Variants in GRIK2 observed in about 807,000 individuals in gnomAD.
GRIK2 encodes the protein glutamate ionotropic receptor kainate type subunit 2, also known as glutamate receptor ionotropic, kainate 2.
Under a neutral mutation model 100.3 loss-of-function variants are expected in GRIK2, and 32 were observed. The observed-to-expected ratio is 0.32, with a 90% CI of 0.24 to 0.43. GRIK2 has a LOEUF of 0.43. Among genes scored for constraint, GRIK2 ranks in the 20% least tolerant of loss-of-function variants. The pLI, the probability that GRIK2 is intolerant of heterozygous loss-of-function variation, is 1.00. For synonymous variants in GRIK2, 417 were observed against 389.4 expected, an observed-to-expected ratio of 1.07 and a Z score of -0.83; for missense variants, 843 against 1,114.9, an observed-to-expected ratio of 0.76 and a Z score of 3.47.
intron 7 of GRIK2, among the ~76,000 whole-genome samples, chr6:101,716,658 G>T (rs1774090289): frequency 2.0e-5 from 3 of 150,662 alleles, no homozygotes; most frequent in African/African-American, 7.3e-5. Context: ...TAAATGACCA[G>T]TTAATGGGTG....
intron 11 of GRIK2, among the ~76,000 whole-genome samples, chr6:101,863,108 C>T (rs1348646362): frequency 1.3e-5 from 2 of 152,034 alleles, no homozygotes; most frequent in East Asian, 1.9e-4. Flanking sequence ...AGTTTTTCAC[C>T]GCCCATGTAG....
chr6:101,955,611 TC>T (rs1791879176), intron 14 of GRIK2, among the ~76,000 whole-genome samples: 5 of 115,506 alleles, frequency 4.3e-5, no homozygotes, highest in African/African-American at 1.1e-4. Flanking sequence ...TCTCTCTCTC[TC>T]TCTCCCCCCC....
At position 101,845,002 on chromosome 6, in the gene GRIK2, T is replaced by TTTGTTGTTG. The variant is rs141350986; in HGVS notation, c.1318-14265_1318-14257dup. Among the ~76,000 whole-genome samples the TTTGTTGTTG allele has an allele frequency of 9.3e-5, 14 of 150,996 alleles. No homozygotes were observed. The South Asian group carries it at 1.5e-3, about 16-fold the overall frequency. On this transcript the variant is annotated intron_variant, in intron 10 of 16. Transcript: ENST00000369134. ...TCATTTATTCTGCGTTCATTGTTTG[T>TTTGTTGTTG]TTGTTGTTGTTGTTGTTGTTGTTGT...
At chr6:102,041,238 C>T (rs1047094153) in intron 15 of GRIK2, among the ~76,000 whole-genome samples, 2 of 151,604 alleles carry the variant, frequency 1.3e-5, no homozygotes, top group African/African-American at 4.8e-5. Flanking sequence ...CCAAATGGTA[C>T]CCAAACAATG....
At chr6:101,923,243 GA>G (rs900240307) in intron 12 of GRIK2, among the ~76,000 whole-genome samples, 1 of 152,106 alleles carries the variant, frequency 6.6e-6, no homozygotes, top group African/African-American at 2.4e-5. Flanking sequence ...TTGGATGTAA[GA>G]TTTTTTTTAA....
Position 101,835,201 on chromosome 6 carries a change from T to C in GRIK2, c.1317+16718T>C, listed in dbSNP as rs1782989360. 2.0e-5 allele frequency among the ~76,000 whole-genome samples: 3 copies of C among 152,232 alleles called. No homozygotes were observed. The South Asian group carries it at 6.2e-4, about 31-fold the overall frequency. On this transcript the variant is annotated intron_variant, in intron 10 of 16. Coordinates refer to ENST00000369134, the MANE Select transcript of GRIK2 (RefSeq NM_021956.5). ...CATTTCCTCTTGAAAGCAATTTTGATATTTTTTTCATTGGTTTAACTTTGG... is the reference window on the plus strand; with the variant it reads ...CATTTCCTCTTGAAAGCAATTTTGACATTTTTTTCATTGGTTTAACTTTGG...
chr6:101,542,124 A>T (rs1046863076), intron 2 of GRIK2, among the ~76,000 whole-genome samples: 1 of 152,018 alleles, frequency 6.6e-6, no homozygotes, highest in African/African-American at 2.4e-5. Context: ...GTTTCTAGGG[A>T]AACTGTAATA....
chr6:101,471,605 AT>A (rs952840804), intron 2 of GRIK2, among the ~76,000 whole-genome samples: 20 of 152,098 alleles, frequency 1.3e-4, no homozygotes, highest in Admixed American at 1.3e-3. Context: ...AGATGCTTTG[AT>A]TTCTGTTACA....
chr6:101,411,469 T>C (rs1775879756), intron 2 of GRIK2, among the ~76,000 whole-genome samples: 1 of 152,128 alleles, frequency 6.6e-6, no homozygotes. Flanking sequence ...CATAGTTCTA[T>C]GTGGTGGTTC....
intron 2 of GRIK2, among the ~76,000 whole-genome samples, chr6:101,610,140 A>G (rs979850085): frequency 5.9e-5 from 9 of 151,674 alleles, no homozygotes; most frequent in African/African-American, 2.2e-4. Flanking sequence ...TATATATAAT[A>G]GTAAATATTC....
At chr6:101,883,727 G>A (rs1340183550) in intron 11 of GRIK2, among the ~76,000 whole-genome samples, 2 of 152,082 alleles carry the variant, frequency 1.3e-5, no homozygotes, top group East Asian at 1.9e-4. Context: ...ATAAAGGGAC[G>A]AGCTTTCCAG....
intron 4 of GRIK2, among the ~76,000 whole-genome samples, chr6:101,657,597 G>A (rs949496943): frequency 3.3e-5 from 5 of 152,118 alleles, no homozygotes; most frequent in Non-Finnish European, 5.9e-5. Context: ...GTATTGGCAC[G>A]CCTGGAACAG....
Position 101,889,812 on chromosome 6 carries a change from A to G in GRIK2, c.1697A>G (p.Tyr566Cys). ...CCTCTCTCCCCTGATATCTGGATGTATATTCTGCTGGCTTACTTGGGTGTC... is the reference window on the plus strand; with the variant it reads ...CCTCTCTCCCCTGATATCTGGATGTGTATTCTGCTGGCTTACTTGGGTGTC... ...LNPLSPDIWM[Y>C]ILLAYLGVSC... Residue 566 changes from tyrosine to cysteine, a missense_variant, in exon 12 of 17, where the codon TAT becomes TGT. By Grantham distance (194) the Tyr-to-Cys change is radical. Around this residue, in one of 3 missense-constraint regions of GRIK2, gnomAD observed 237 missense variants for 388.0 expected, o/e 0.61. Transcript: ENST00000369134. 2 of 1,613,552 alleles carry G rather than the reference A, an allele frequency of 1.2e-6. No individual in the cohort carries two copies. The highest frequency in any genetic ancestry group is 8.5e-7 in the Non-Finnish European group (1 of 1,179,660).
intron 2 of GRIK2, among the ~76,000 whole-genome samples, chr6:101,451,444 T>C (rs1770673826): frequency 6.6e-6 from 1 of 151,714 alleles, no homozygotes; most frequent in Non-Finnish European, 1.5e-5. Context: ...TAGCAGTCAT[T>C]TATTATATTA....
At chr6:101,573,346 G>A (rs1450612696) in intron 2 of GRIK2, among the ~76,000 whole-genome samples, 1 of 152,120 alleles carries the variant, frequency 6.6e-6, no homozygotes, top group Non-Finnish European at 1.5e-5. Context: ...GATTGCTCAG[G>A]AGCAGATTTC....
intron 7 of GRIK2, among the ~76,000 whole-genome samples, chr6:101,688,607 C>G (rs1003629650): frequency 6.6e-6 from 1 of 151,788 alleles, no homozygotes; most frequent in Non-Finnish European, 1.5e-5. Context: ...CTGCTTTTCC[C>G]TGTTGAACTG....
chr6:101,453,386 G>T lies in GRIK2; in HGVS notation c.115+53994G>T, dbSNP rs540169276. On this transcript the variant is annotated intron_variant, in intron 2 of 16. Coordinates refer to ENST00000369134, the MANE Select transcript of GRIK2 (RefSeq NM_021956.5). ...TGAGTTTGGAATTGCCAGCTTTGAG[G>T]GTATTACACTACATTTTGGGTTGCT... 3.1e-4 allele frequency among the ~76,000 whole-genome samples: 47 copies of T among 151,738 alleles called. No homozygotes were observed. In the South Asian group the frequency reaches 6.2e-3, roughly 20 times the overall value.
chr6:101,601,912 C>T (rs1779232341), intron 2 of GRIK2, among the ~76,000 whole-genome samples: 1 of 151,448 alleles, frequency 6.6e-6, no homozygotes, highest in Non-Finnish European at 1.5e-5. Flanking sequence ...TATGTATGGG[C>T]TTTGGGTCTT....
intron 14 of GRIK2, among the ~76,000 whole-genome samples, chr6:102,027,763 G>A (rs770038152): frequency 6.6e-6 from 1 of 150,874 alleles, no homozygotes; most frequent in Non-Finnish European, 1.5e-5. Flanking sequence ...AGCATAAGAT[G>A]GTTTCTAAAT....
Sources: gnomAD v4.1 joint callset for allele counts (sites outside exome capture counted in the v4.1 genomes callset) on GRCh38, gnomAD v4.1.1 for gene constraint, gnomAD v4.1.1 regional missense constraint, MANE v1.5 for transcripts, NCBI Gene and HGNC (gene_info 2026-07-23, HGNC 2026-07-21) for gene names.